TBCK: variants seen among roughly 807,000 people sequenced by gnomAD.
TBCK encodes the protein TBC domain-containing protein kinase-like protein.
In TBCK, 99 loss-of-function variants were observed where a neutral mutation model predicts 113.4. That is an observed-to-expected ratio of 0.87 (90% CI 0.74 to 1.03). TBCK has a LOEUF of 1.03. Among genes scored for constraint, TBCK ranks in the 50% least tolerant of loss-of-function variants. The probability of loss-of-function intolerance (pLI) is 0.00; values close to 1 mark genes in which losing one functional copy is unlikely to be tolerated. For missense variants in TBCK, 1,045 were observed against 1,061.3 expected, an observed-to-expected ratio of 0.98 and a Z score of 0.21; for synonymous variants, 369 against 370.8, an observed-to-expected ratio of 1.00 and a Z score of 0.05.
chr4:106,118,077 A>T (rs1457467110), intron 23 of TBCK, among the ~76,000 whole-genome samples: 1 of 152,078 alleles, frequency 6.6e-6, no homozygotes, highest in Non-Finnish European at 1.5e-5. Flanking sequence ...TGAGGATTCA[A>T]AAAATTTTTA....
chr4:106,314,213 G>T (rs1768506953), intron 1 of TBCK, among the ~76,000 whole-genome samples: 1 of 152,094 alleles, frequency 6.6e-6, no homozygotes, highest in African/African-American at 2.4e-5. Flanking sequence ...TTTCTGAAGT[G>T]ATAAAGAAAA....
At chr4:106,126,034 G>T (rs1381737767) in intron 23 of TBCK, among the ~76,000 whole-genome samples, 1 of 152,074 alleles carries the variant, frequency 6.6e-6, no homozygotes, top group East Asian at 1.9e-4. Context: ...TCACCATCTT[G>T]TCCCTTATGC....
intron 25 of TBCK, among the ~76,000 whole-genome samples, chr4:106,089,332 C>T (rs955336245): frequency 6.6e-6 from 1 of 152,152 alleles, no homozygotes; most frequent in African/African-American, 2.4e-5. Flanking sequence ...GCGATCTTCC[C>T]CCATAATCCA....
At chr4:106,118,791 C>G (rs1366743857) in intron 23 of TBCK, among the ~76,000 whole-genome samples, 1 of 152,052 alleles carries the variant, frequency 6.6e-6, no homozygotes, top group Non-Finnish European at 1.5e-5. Flanking sequence ...AAGATTTGAC[C>G]TAAGCATTAG....
intron 25 of TBCK, among the ~76,000 whole-genome samples, chr4:106,049,375 TG>T (rs1734559187): frequency 6.6e-6 from 1 of 152,002 alleles, no homozygotes; most frequent in Admixed American, 6.6e-5. Context: ...GCTGGGGAGC[TG>T]GTTTCTTTCT....
chr4:106,257,077 G>C (rs1423195575), intron 5 of TBCK, among the ~76,000 whole-genome samples: 1 of 152,008 alleles, frequency 6.6e-6, no homozygotes, highest in African/African-American at 2.4e-5. Flanking sequence ...TACCCATTAG[G>C]ATGGCCTTAC....
chr4:106,126,901 T>A (rs1335029934), intron 23 of TBCK, among the ~76,000 whole-genome samples: 1 of 152,174 alleles, frequency 6.6e-6, no homozygotes, highest in Non-Finnish European at 1.5e-5. Context: ...CTTTCAAAAC[T>A]GTGCTCTAAT....
intron 23 of TBCK, among the ~76,000 whole-genome samples, chr4:106,160,615 A>G (rs984169096): frequency 2.0e-5 from 3 of 152,032 alleles, no homozygotes; most frequent in African/African-American, 7.2e-5. Flanking sequence ...AAAATAGAAA[A>G]GTGTTCGCAA....
At chr4:106,097,578 A>G (rs1046200358) in intron 24 of TBCK, among the ~76,000 whole-genome samples, 3 of 152,188 alleles carry the variant, frequency 2.0e-5, no homozygotes, top group Admixed American at 6.5e-5. Context: ...TGTTGTTTAT[A>G]TAAGTTGGAT....
rs974559670 is a variant in TBCK, at chr4:106,116,667, C to T, written c.2236-289G>A. On this transcript the variant is annotated intron_variant, in intron 23 of 25. Transcript: ENST00000394708. ...TGTTCCCCATTGCTCCGTTATAGTCCGAGCTCCGCCTCCTGTCAGATCAGT... is the reference window on the plus strand; with the variant it reads ...TGTTCCCCATTGCTCCGTTATAGTCTGAGCTCCGCCTCCTGTCAGATCAGT... Among the ~76,000 whole-genome samples the T allele has an allele frequency of 7.9e-5, 12 of 152,188 alleles. No individual in the cohort carries two copies. In the East Asian group the frequency reaches 1.9e-3, roughly 25 times the overall value.
chr4:106,158,759 A>T (rs966642809), intron 23 of TBCK, among the ~76,000 whole-genome samples: 8 of 152,196 alleles, frequency 5.3e-5, no homozygotes, highest in African/African-American at 1.9e-4. Flanking sequence ...TTTTCTAAAA[A>T]GCTGAAGAGG....
chr4:106,195,192 C>CA (rs575735405), intron 20 of TBCK, among the ~76,000 whole-genome samples: 21 of 151,928 alleles, frequency 1.4e-4, no homozygotes, highest in Non-Finnish European at 2.6e-4. Flanking sequence ...TTTAATTTGT[C>CA]AAAGGTTTTT....
chr4:106,115,125 T>C (rs1434957523), intron 24 of TBCK, among the ~76,000 whole-genome samples: 1 of 152,222 alleles, frequency 6.6e-6, no homozygotes, highest in East Asian at 1.9e-4. Flanking sequence ...GTAATTTGAA[T>C]TTCATTTCAA....
intron 23 of TBCK, among the ~76,000 whole-genome samples, chr4:106,159,532 C>T (rs953690405): frequency 5.3e-5 from 8 of 151,812 alleles, no homozygotes; most frequent in African/African-American, 1.9e-4. Context: ...ATTTGATTTA[C>T]AATAGCATCA....
At chr4:106,222,364 A>T (rs1218998346) in intron 19 of TBCK, among the ~76,000 whole-genome samples, 1 of 152,188 alleles carries the variant, frequency 6.6e-6, no homozygotes, top group Non-Finnish European at 1.5e-5. Context: ...TAAGAATTTT[A>T]TATGACACTA....
chr4:106,243,011 T>C (rs1760349441), intron 11 of TBCK, among the ~76,000 whole-genome samples: 1 of 151,988 alleles, frequency 6.6e-6, no homozygotes, highest in African/African-American at 2.4e-5. Flanking sequence ...TGATTTCCAA[T>C]TTCATCCATG....
At chr4:106,294,838 T>C (rs1211799748) in intron 3 of TBCK, among the ~76,000 whole-genome samples, 8 of 152,134 alleles carry the variant, frequency 5.3e-5, no homozygotes, top group Non-Finnish European at 1.0e-4. Flanking sequence ...GGTTTCAAAT[T>C]TTCATATATC....
At chr4:106,274,548 T>C (rs554637373) in intron 3 of TBCK, among the ~76,000 whole-genome samples, 2 of 152,300 alleles carry the variant, frequency 1.3e-5, no homozygotes, top group South Asian at 4.1e-4. Flanking sequence ...TTAAAAACAT[T>C]ATGCTAAGTG....
At chr4:106,271,959 T>C (rs2150132559) in intron 3 of TBCK, among the ~76,000 whole-genome samples, 1 of 152,238 alleles carries the variant, frequency 6.6e-6, no homozygotes, top group Non-Finnish European at 1.5e-5. Flanking sequence ...GCAATTCTGA[T>C]ATAGTATCTA....
Sources: gnomAD v4.1 joint callset for allele counts (sites outside exome capture counted in the v4.1 genomes callset) on GRCh38, gnomAD v4.1.1 for gene constraint, MANE v1.5 for transcripts, NCBI Gene and HGNC (gene_info 2026-07-23, HGNC 2026-07-21) for gene names.